The following AGBL4 variants were observed in gnomAD, a reference collection of about 807,000 sequenced individuals.
AGBL4 encodes cytosolic carboxypeptidase 6.
Under a neutral mutation model 66.4 loss-of-function variants are expected in AGBL4, and 58 were observed. That is an observed-to-expected ratio of 0.87 (90% CI 0.71 to 1.09). AGBL4 has a LOEUF of 1.09. Ranked by LOEUF, AGBL4 falls within the 50% of genes least tolerant of loss-of-function variation. The probability of loss-of-function intolerance (pLI) is 0.00; values close to 1 mark genes in which losing one functional copy is unlikely to be tolerated. For missense variants in AGBL4, 579 were observed against 631.0 expected, an observed-to-expected ratio of 0.92 and a Z score of 0.88; for synonymous variants, 234 against 222.9, an observed-to-expected ratio of 1.05 and a Z score of -0.44.
chr1:48,862,579 C>A (rs1300672606), intron 6 of AGBL4, among the ~76,000 whole-genome samples: 1 of 152,174 alleles, frequency 6.6e-6, no homozygotes, highest in East Asian at 1.9e-4. Context: ...CCTCAGCCTC[C>A]CAGTGTGCTG....
intron 3 of AGBL4, among the ~76,000 whole-genome samples, chr1:49,613,056 AGAATGAAAT>A (rs1645182813): frequency 6.6e-6 from 1 of 152,212 alleles, no homozygotes; most frequent in Admixed American, 6.5e-5. Context: ...ATCATAAAAA[AGAATGAAAT>A]CATGTATTCT....
At chr1:50,023,726 C>A in intron 1 of AGBL4, 37 bp downstream of exon 1, 2 of 1,541,618 alleles carry the variant, frequency 1.3e-6, no homozygotes, top group South Asian at 1.2e-5. Flanking sequence ...ACAGCCTGGC[C>A]GCCTCAGCCT....
At chr1:49,950,095 CACA>C (rs1655991352) in intron 1 of AGBL4, among the ~76,000 whole-genome samples, 1 of 136,532 alleles carries the variant, frequency 7.3e-6, no homozygotes, top group African/African-American at 2.7e-5. Context: ...TATATATATA[CACA>C]TATATATACA....
intron 6 of AGBL4, among the ~76,000 whole-genome samples, chr1:48,762,944 G>A (rs79421974): frequency 0.022 from 3,364 of 152,088 alleles, 99 homozygotes; most frequent in African/African-American, 0.077. Context: ...TCCTCATAAT[G>A]GAGGTTGTGA....
At chr1:49,820,112 A>G (rs1363653677) in intron 2 of AGBL4, among the ~76,000 whole-genome samples, 1 of 152,168 alleles carries the variant, frequency 6.6e-6, no homozygotes, top group Non-Finnish European at 1.5e-5. Flanking sequence ...GTGTCATGGT[A>G]CCCAGACATT....
At chr1:49,017,742 G>A (rs772852925) in intron 5 of AGBL4, among the ~76,000 whole-genome samples, 3 of 152,060 alleles carry the variant, frequency 2.0e-5, no homozygotes, top group African/African-American at 7.2e-5. Context: ...TATATTGAAC[G>A]AATGAATTAA....
intron 1 of AGBL4, among the ~76,000 whole-genome samples, chr1:49,952,671 A>T (rs1300451551): frequency 6.6e-6 from 1 of 151,954 alleles, no homozygotes; most frequent in East Asian, 1.9e-4. Context: ...AGGATAGGCA[A>T]AACCCAACAT....
chr1:48,535,176 G>T (rs998554587), intron 12 of AGBL4, among the ~76,000 whole-genome samples: 2 of 152,024 alleles, frequency 1.3e-5, no homozygotes. Flanking sequence ...AAGGACTTAG[G>T]GAGGGTGGGC....
At chr1:49,581,823 G>T (rs1390918413) in intron 3 of AGBL4, among the ~76,000 whole-genome samples, 2 of 152,140 alleles carry the variant, frequency 1.3e-5, no homozygotes, top group African/African-American at 4.8e-5. Flanking sequence ...GCCTCTGGGT[G>T]GCTTTCTTGC....
At chr1:49,693,040 T>A (rs1264688521) in intron 3 of AGBL4, among the ~76,000 whole-genome samples, 3 of 152,166 alleles carry the variant, frequency 2.0e-5, no homozygotes, top group African/African-American at 7.2e-5. Context: ...AGACATTGCA[T>A]CATATCCCAT....
At chr1:49,235,697 A>T (rs1650673965) in intron 4 of AGBL4, among the ~76,000 whole-genome samples, 1 of 152,216 alleles carries the variant, frequency 6.6e-6, no homozygotes, top group African/African-American at 2.4e-5. Flanking sequence ...AAAAAAGCAC[A>T]TCCATTCTAG....
At chr1:49,233,390 T>A (rs181495608) in intron 4 of AGBL4, among the ~76,000 whole-genome samples, 1 of 152,278 alleles carries the variant, frequency 6.6e-6, no homozygotes, top group Non-Finnish European at 1.5e-5. Context: ...AGAAATAGAC[T>A]AAATAGAGTG....
chr1:49,134,088 AG>A, intron 4 of AGBL4, among the ~76,000 whole-genome samples: 1 of 152,088 alleles, frequency 6.6e-6, no homozygotes. Flanking sequence ...ACATGTCGGC[AG>A]GTTCCATCAT....
chr1:48,983,482 C>T (rs1659937605), intron 5 of AGBL4, among the ~76,000 whole-genome samples: 2 of 152,146 alleles, frequency 1.3e-5, no homozygotes, highest in Admixed American at 1.3e-4. Context: ...CTGGACCTTG[C>T]TCATTTCTCA....
chr1:49,392,195 C>T (rs187783826), intron 3 of AGBL4, among the ~76,000 whole-genome samples: 1 of 152,234 alleles, frequency 6.6e-6, no homozygotes, highest in Non-Finnish European at 1.5e-5. Context: ...GTTTCTTAGT[C>T]ACAACAGCCA....
intron 2 of AGBL4, among the ~76,000 whole-genome samples, chr1:49,710,514 C>T (rs1457040422): frequency 6.6e-6 from 1 of 152,024 alleles, no homozygotes. Flanking sequence ...GTGCAGCAAA[C>T]CACCATGGCC....
chr1:49,223,745 G>A (rs949511014), intron 4 of AGBL4, among the ~76,000 whole-genome samples: 9 of 152,172 alleles, frequency 5.9e-5, no homozygotes, highest in Non-Finnish European at 1.3e-4. Context: ...TGTTCATTAA[G>A]TGTTCCTGAA....
chr1:49,124,936 T>C (rs1460400638), intron 4 of AGBL4, among the ~76,000 whole-genome samples: 2 of 152,216 alleles, frequency 1.3e-5, no homozygotes, highest in East Asian at 1.9e-4. Context: ...TCAAAGAGTA[T>C]GTTTGCTAGT....
intron 3 of AGBL4, among the ~76,000 whole-genome samples, chr1:49,588,177 C>T (rs1644686511): frequency 6.6e-6 from 1 of 152,132 alleles, no homozygotes; most frequent in African/African-American, 2.4e-5. Context: ...CCTTGTATGC[C>T]TTATCTATGC....
Sources: gnomAD v4.1 joint callset for allele counts (sites outside exome capture counted in the v4.1 genomes callset) on GRCh38, gnomAD v4.1.1 for gene constraint, MANE v1.5 for transcripts, NCBI Gene and HGNC (gene_info 2026-07-23, HGNC 2026-07-21) for gene names.